The following AURKC variants were observed in gnomAD, a reference collection of about 807,000 sequenced individuals.
AURKC encodes the protein aurora kinase C.
Under a neutral mutation model 29.2 loss-of-function variants are expected in AURKC, and 15 were observed. The observed-to-expected ratio is 0.51, with a 90% CI of 0.34 to 0.79. The LOEUF is 0.79. AURKC is among the 30% of genes least tolerant of loss of function. AURKC has a pLI of 0.01. For missense variants in AURKC, 332 were observed against 383.2 expected, an observed-to-expected ratio of 0.87 and a Z score of 1.12; for synonymous variants, 150 against 149.9, an observed-to-expected ratio of 1.00 and a Z score of -0.01.
At position 57,231,788 on chromosome 19, in the gene AURKC, G is replaced by A. The variant is rs2087494323; in HGVS notation, c.104+1G>A. On this transcript the variant is annotated splice_donor_variant, in intron 2 of 6. Coordinates refer to ENST00000302804, the MANE Select transcript of AURKC (RefSeq NM_001015878.2). LOFTEE classifies it high-confidence loss of function. ...CCCAGCAGCCCAGCAGCCCAGCCAT[G>A]TGAGTCCCTTGGGATTGGTATCTGG... is the stretch of plus-strand genomic sequence containing the variant. 2 of 1,613,610 alleles carry A rather than the reference G, an allele frequency of 1.2e-6. No individual in the cohort carries two copies. The highest frequency in any genetic ancestry group is 8.5e-7 in the Non-Finnish European group (1 of 1,179,778).
intron 4 of AURKC, among the ~76,000 whole-genome samples, chr19:57,233,155 C>T (rs913363409): frequency 1.9e-4 from 29 of 152,122 alleles, no homozygotes; most frequent in African/African-American, 5.3e-4. Flanking sequence ...TTCACTTCCT[C>T]GGGCCTCAAG....
rs2087517029 is a variant in AURKC at position 57,233,671 on chromosome 19, G to A, written c.584+63G>A. On this transcript the variant is annotated intron_variant, in intron 5 of 6. Transcript: ENST00000302804. ...CCAGTTAGGAATGACCCAGTTTAAT[G>A]TATTTCATGTGTCCATGTGTAAAAC... 2.5e-6 allele frequency: 4 copies of A among 1,606,230 alleles called. No homozygotes were observed. The African/African-American group carries it at 4.0e-5, about 16-fold the overall frequency.
chr19:57,231,559 C>T, intron 1 of AURKC, 183 bp from the exon 2 acceptor site: 1 of 779,856 alleles, frequency 1.3e-6, no homozygotes, highest in Admixed American at 2.1e-5. Flanking sequence ...ACTCTTTCTT[C>T]TTCCCCTTAC....
At chr19:57,234,170 G>A (rs1213404186) in intron 5 of AURKC, among the ~76,000 whole-genome samples, 2 of 147,150 alleles carry the variant, frequency 1.4e-5, no homozygotes, top group Admixed American at 7.0e-5. Flanking sequence ...CGATTCTCCT[G>A]CCTCAGCCTC....
In AURKC at chr19:57,231,100, A is replaced by G. The variant is rs754757490; in HGVS notation, c.-149A>G. On this transcript the variant is annotated 5_prime_UTR_variant, in exon 1 of 7. Transcript: ENST00000302804. ...ACGCCGCGGATCCCGAAGCCTGTGT[A>G]GCAGTGAGACATCAGTGAGGCTGCA... 8 of 1,520,536 alleles carry G rather than the reference A, an allele frequency of 5.3e-6. No individual in the cohort carries two copies. Among genetic ancestry groups the G allele is most frequent in the Non-Finnish European group, 7.2e-6 (8 of 1,118,328 alleles). The allele number at this position is 1,520,536 out of a possible 1,614,324, so 94.2% of individuals were successfully genotyped here. A position where few individuals can be genotyped will look rare whatever the true frequency, so the allele number is the denominator to read the frequency against.
intron 6 of AURKC, 94 bp from the exon 7 acceptor site, chr19:57,235,153 C>A: frequency 6.2e-7 from 1 of 1,609,844 alleles, no homozygotes; most frequent in South Asian, 1.1e-5. Context: ...CTTCTGTGGT[C>A]CAGAACAGCG....
chr19:57,231,290 A>G lies in AURKC; in HGVS notation c.42A>G (p.Gln14=). 2 of 1,553,096 alleles carry G rather than the reference A, an allele frequency of 1.3e-6. No individual in the cohort carries two copies. Among genetic ancestry groups the G allele is most frequent in the South Asian group, 1.2e-5 (1 of 84,126 alleles). Residue 14 remains glutamine, a synonymous_variant, in exon 1 of 7, where the codon CAA becomes CAG. Coordinates refer to ENST00000302804, the MANE Select transcript of AURKC (RefSeq NM_001015878.2). The part of the protein sequence containing the change: ...PRAVVQLGKA[Q]PAGEELATAN... The stretch of plus-strand genomic sequence containing the variant: ...CTGTGGTGCAGCTGGGCAAAGCTCA[A>G]CCTGCAGGCGAAGAGTGTGAGAGCC...
rs924661969 is a variant in AURKC at position 57,231,093 on chromosome 19, C to T, written c.-156C>T. The T allele has an allele frequency of 7.3e-6, 11 of 1,514,918 alleles. No individual in the cohort carries two copies. The highest frequency in any genetic ancestry group is 5.9e-5 in the Admixed American group (3 of 50,932). The allele number at this position is 1,514,918 out of a possible 1,614,324, so 93.8% of individuals were successfully genotyped here. A position where few individuals can be genotyped will look rare whatever the true frequency, so the allele number is the denominator to read the frequency against. ...GCTCACGACGCCGCGGATCCCGAAG[C>T]CTGTGTAGCAGTGAGACATCAGTGA... On this transcript the variant is annotated 5_prime_UTR_variant, in exon 1 of 7. Coordinates refer to ENST00000302804, the MANE Select transcript of AURKC (RefSeq NM_001015878.2).
chr19:57,233,750 TTTTC>T (rs1452244787), intron 5 of AURKC, 142 bp downstream of exon 5: 20 of 1,202,878 alleles, frequency 1.7e-5, no homozygotes, highest in South Asian at 2.7e-5. Flanking sequence ...TTTTCTTTTC[TTTTC>T]TTTTTTTTTT....
chr19:57,231,100 A>T lies in AURKC; in HGVS notation c.-149A>T, dbSNP rs754757490. 4 of 1,520,422 alleles carry T rather than the reference A, an allele frequency of 2.6e-6. No homozygotes were observed. In the East Asian group the frequency reaches 7.3e-5, roughly 28 times the overall value. The allele number at this position is 1,520,422 out of a possible 1,614,324, so 94.2% of individuals were successfully genotyped here. On this transcript the variant is annotated 5_prime_UTR_variant, in exon 1 of 7. Coordinates refer to ENST00000302804, the MANE Select transcript of AURKC (RefSeq NM_001015878.2). ...ACGCCGCGGATCCCGAAGCCTGTGTAGCAGTGAGACATCAGTGAGGCTGCA... is the reference window on the plus strand; with the variant it reads ...ACGCCGCGGATCCCGAAGCCTGTGTTGCAGTGAGACATCAGTGAGGCTGCA...
chr19:57,233,709 T>C (rs2087517545), intron 5 of AURKC, 101 bp downstream of exon 5: 1 of 1,524,880 alleles, frequency 6.6e-7, no homozygotes, highest in Non-Finnish European at 9.1e-7. Flanking sequence ...AGATACGAAC[T>C]TGGGGTTTCT....
chr19:57,233,466 G>A lies in AURKC; in HGVS notation c.442G>A (p.Glu148Lys). The change falls in exon 5 of 7, where the codon GAG (glutamate) becomes AAG (lysine). Residue 148 changes from glutamate (E) to lysine (K), a missense_variant. Transcript: ENST00000302804. Reference sequence around the variant, plus strand: ...CTTTTCTTTGCACCCACAGATAATAGAGGAGTTGGCAGATGCCCTGACCTA... The same window carrying A: ...CTTTTCTTTGCACCCACAGATAATAAAGGAGTTGGCAGATGCCCTGACCTA... ...LDEQRTATII[E>K]ELADALTYCH... 6.2e-7 allele frequency: 1 copy of A among 1,614,176 alleles called. No individual in the cohort carries two copies. Among genetic ancestry groups the A allele is most frequent in the South Asian group, 1.1e-5 (1 of 91,082 alleles).
At position 57,234,951 on chromosome 19, in the gene AURKC, G is replaced by A; in HGVS notation, c.652G>A (p.Glu218Lys). The change falls in exon 6 of 7, where the codon GAA becomes AAA. Residue 218 changes from glutamate to lysine, a missense_variant. Glu to Lys is a moderately conservative substitution (Grantham distance 56). Transcript: ENST00000302804. Reference sequence around the variant, plus strand: ...AATGATTGAGGGGAGAACATATGATGAAAAGGTGGATTTGTGGTGCATTGG... The same window carrying A: ...AATGATTGAGGGGAGAACATATGATAAAAAGGTGGATTTGTGGTGCATTGG... ...PEMIEGRTYD[E>K]KVDLWCIGVL... 6.2e-7 allele frequency: 1 copy of A among 1,614,206 alleles called. No individual in the cohort carries two copies. The highest frequency in any genetic ancestry group is 8.5e-7 in the Non-Finnish European group (1 of 1,180,050).
rs2087504123 is a variant in AURKC, at chr19:57,232,554, C to T, written c.309C>T (p.Ile103=). ...EIQAHLQHPN[I]LRLYNYFHDA... ...ATTAATCCTTCAGACACCCCAATATCCTGCGCCTGTATAACTATTTCCATG... is the reference window on the plus strand; with the variant it reads ...ATTAATCCTTCAGACACCCCAATATTCTGCGCCTGTATAACTATTTCCATG... The change falls in exon 4 of 7, where the codon ATC becomes ATT. Residue 103 remains isoleucine, a synonymous_variant. Coordinates refer to ENST00000302804, the MANE Select transcript of AURKC (RefSeq NM_001015878.2). The surrounding 1 kb of genome is among the most constrained non-coding windows in gnomAD (Gnocchi z 4.5). The T allele has an allele frequency of 1.9e-6, 3 of 1,614,184 alleles. No individual in the cohort carries two copies. The highest frequency in any genetic ancestry group is 2.5e-6 in the Non-Finnish European group (3 of 1,180,052).
chr19:57,234,331 T>C (rs2087525969), intron 5 of AURKC, among the ~76,000 whole-genome samples: 2 of 152,168 alleles, frequency 1.3e-5, no homozygotes, highest in South Asian at 2.1e-4. Context: ...GCTGGGATCA[T>C]AGGCATGAGC....
At chr19:57,231,493 C>G in intron 1 of AURKC, 187 bp downstream of exon 1, 1 of 766,590 alleles carries the variant, frequency 1.3e-6, no homozygotes, top group East Asian at 2.7e-5. Context: ...CTCTCTCCTC[C>G]CCTTCCTTTC....
chr19:57,232,744 T>C lies in AURKC; in HGVS notation c.435+64T>C. On this transcript the variant is annotated intron_variant, in intron 4 of 6. Transcript: ENST00000302804. The surrounding 1 kb of genome is among the most constrained non-coding windows in gnomAD (Gnocchi z 4.5). ...TACTGTGGGCTGGTGGGAGCTCTGT[T>C]TGTGGCTGTCAGGAGGGTCCGCATT... is the stretch of plus-strand genomic sequence containing the variant. 3 of 1,608,952 alleles carry C rather than the reference T, an allele frequency of 1.9e-6. No individual in the cohort carries two copies. Among genetic ancestry groups the C allele is most frequent in the South Asian group, 2.2e-5 (2 of 90,830 alleles).
At chr19:57,231,877 G>A in intron 2 of AURKC, 90 bp downstream of exon 2, 1 of 1,610,910 alleles carries the variant, frequency 6.2e-7, no homozygotes, top group Non-Finnish European at 8.5e-7. Flanking sequence ...GCTGGCTCCT[G>A]GGAACGAGAA....
intron 2 of AURKC, 21 bp downstream of exon 2, chr19:57,231,808 A>C (rs769585541): frequency 1.2e-6 from 2 of 1,614,026 alleles, no homozygotes; most frequent in Non-Finnish European, 1.7e-6. Flanking sequence ...TGGGATTGGT[A>C]TCTGGAAAAG....
Sources: gnomAD v4.1 joint callset for allele counts (sites outside exome capture counted in the v4.1 genomes callset) on GRCh38, gnomAD v4.1.1 for gene constraint, Gnocchi (gnomAD v3.1) non-coding constraint, MANE v1.5 for transcripts, NCBI Gene and HGNC (gene_info 2026-07-23, HGNC 2026-07-21) for gene names.